Variants in OTUB1 observed in about 807,000 individuals in gnomAD.
OTUB1 encodes ubiquitin thioesterase OTUB1.
Under a neutral mutation model 35.8 loss-of-function variants are expected in OTUB1, and 10 were observed. The observed-to-expected ratio is 0.28, with a 90% CI of 0.17 to 0.47. OTUB1 has a LOEUF of 0.47. Among genes scored for constraint, OTUB1 ranks in the 20% least tolerant of loss-of-function variants. The pLI is 0.99. For missense variants in OTUB1, 264 were observed against 351.6 expected, an observed-to-expected ratio of 0.75 and a Z score of 1.99; for synonymous variants, 158 against 143.8, an observed-to-expected ratio of 1.10 and a Z score of -0.71.
At position 63,996,611 on chromosome 11, in the gene OTUB1, T is replaced by G. The variant is rs775884042; in HGVS notation, c.301T>G (p.Leu101Val). Residue 101 changes from leucine to valine, a missense_variant, in exon 4 of 7, where the codon TTG becomes GTG. Physicochemically the swap from Leu to Val is conservative, Grantham distance 32. Transcript: ENST00000538426. ...CTATCGGGCTTTCGGATTCTCCCAC[T>G]TGGAGGCACTGCTGGATGACAGCAA... ...CFYRAFGFSH[L>V]EALLDDSKEL... 1.2e-6 allele frequency: 2 copies of G among 1,614,088 alleles called. No homozygotes were observed. The highest frequency in any genetic ancestry group is 2.7e-5 in the African/African-American group (2 of 74,938).
At position 63,997,985 on chromosome 11, in the gene OTUB1, C is replaced by CAG. The variant is rs1442887778; in HGVS notation, c.*440_*441insGA. Reference sequence around the variant, plus strand: ...ACTTCATCTGCTCCCTCATAGGCCCCACCTCCACGTCCCGGCTGGGCCCCA... The same window carrying CAG: ...ACTTCATCTGCTCCCTCATAGGCCCCAGACCTCCACGTCCCGGCTGGGCCCCA... On this transcript the variant is annotated 3_prime_UTR_variant, in exon 7 of 7. Transcript: ENST00000538426. The CAG allele has an allele frequency of 3.5e-6, 2 of 567,552 alleles. No individual in the cohort carries two copies. Among genetic ancestry groups the CAG allele is most frequent in the Non-Finnish European group, 6.3e-6 (2 of 318,786 alleles). 35.2% of individuals were successfully genotyped at this position (567,552 alleles called of 1,614,324 possible). A position where few individuals can be genotyped will look rare whatever the true frequency, so the allele number is the denominator to read the frequency against.
chr11:63,989,017 A>C, intron 3 of OTUB1: 1 of 149,674 alleles, frequency 6.7e-6, no homozygotes, highest in Non-Finnish European at 1.3e-5. Flanking sequence ...TTCATCTCAG[A>C]AAAAAAAAAA....
chr11:63,995,499 T>A (rs534987459), intron 3 of OTUB1, among the ~76,000 whole-genome samples: 1 of 152,078 alleles, frequency 6.6e-6, no homozygotes, highest in South Asian at 2.1e-4. Context: ...CCCAGCCACT[T>A]ATTTTTTTTA....
chr11:63,988,974 A>C, intron 3 of OTUB1: 1 of 457,210 alleles, frequency 2.2e-6, no homozygotes, highest in Non-Finnish European at 3.9e-6. Context: ...AGATCACACC[A>C]TTGCACTCCA....
intron 3 of OTUB1, chr11:63,990,249 CA>C (rs1292678181): frequency 6.6e-6 from 1 of 152,056 alleles, no homozygotes. Context: ...CCTGCTGCAT[CA>C]CTCAAACGGA....
At chr11:63,996,979 G>A (rs1942725449) in intron 5 of OTUB1, 38 bp downstream of exon 5, 1 of 1,613,148 alleles carries the variant, frequency 6.2e-7, no homozygotes, top group African/African-American at 1.3e-5. Flanking sequence ...GGCCATGGGG[G>A]AGGGGTTCAC....
Position 63,986,496 on chromosome 11 carries a change from C to T in OTUB1, c.40C>T (p.Leu14=), listed in dbSNP as rs763940050. ...ACCTCAGCAGCAGAAGCAGGAGCCG[C>T]TGGGCAGCGACTCCGAAGGTACAGA... ...EEPQQQKQEP[L]GSDSEGVNCL... Residue 14 remains leucine (L), a synonymous_variant, in exon 1 of 7, where the codon CTG becomes TTG. Transcript: ENST00000538426. 6.4e-7 allele frequency: 1 copy of T among 1,552,716 alleles called. No individual in the cohort carries two copies. The highest frequency in any genetic ancestry group is 8.7e-7 in the Non-Finnish European group (1 of 1,148,572).
chr11:63,993,373 A>G (rs771506709), intron 3 of OTUB1, among the ~76,000 whole-genome samples: 10 of 152,068 alleles, frequency 6.6e-5, no homozygotes, highest in Non-Finnish European at 1.0e-4. Flanking sequence ...TAAATCCTTG[A>G]GACTTTGGCT....
At chr11:63,991,910 G>C (rs533928389) in intron 3 of OTUB1, among the ~76,000 whole-genome samples, 1 of 152,274 alleles carries the variant, frequency 6.6e-6, no homozygotes, top group African/African-American at 2.4e-5. Context: ...GGTGAGTGCT[G>C]TGGAGAAAAA....
At chr11:63,996,835 C>T (rs778614491) in intron 4 of OTUB1, 22 bp from the exon 5 acceptor site, 20 of 1,613,996 alleles carry the variant, frequency 1.2e-5, no homozygotes, top group African/African-American at 1.3e-5. Flanking sequence ...ATGCTGGGCC[C>T]GCCTTTCCAT....
intron 1 of OTUB1, among the ~76,000 whole-genome samples, chr11:63,987,193 A>G (rs1316425809): frequency 6.6e-6 from 1 of 152,198 alleles, no homozygotes; most frequent in East Asian, 1.9e-4. Context: ...GGTGGCAGGG[A>G]CAGTTCTTTT....
intron 3 of OTUB1, among the ~76,000 whole-genome samples, chr11:63,996,059 G>T (rs570207045): frequency 1.3e-5 from 2 of 152,296 alleles, no homozygotes; most frequent in East Asian, 3.9e-4. Context: ...AGGGCTGCGG[G>T]CAAGGCTTAG....
chr11:63,990,182 C>G (rs1942658572), intron 3 of OTUB1: 1 of 152,074 alleles, frequency 6.6e-6, no homozygotes, highest in African/African-American at 2.4e-5. Context: ...CCTCCTGGAT[C>G]TTTGTGGAGA....
chr11:63,995,251 C>T (rs372437098), intron 3 of OTUB1, among the ~76,000 whole-genome samples: 12 of 151,968 alleles, frequency 7.9e-5, no homozygotes, highest in Middle Eastern at 3.4e-3. Context: ...GGCTGGAGTG[C>T]GATGGCGCAA....
intron 3 of OTUB1, 56 bp downstream of exon 3, chr11:63,988,808 C>G (rs1349950846): frequency 2.6e-6 from 3 of 1,141,872 alleles, no homozygotes; most frequent in Non-Finnish European, 4.0e-6. Flanking sequence ...CAGGAGGGTG[C>G]CTGCTTCAGA....
chr11:63,986,506 ACTCCGAAGGTACAGAT>A lies in OTUB1; in HGVS notation c.52_58+9del. 6.4e-7 allele frequency: 1 copy of A among 1,550,888 alleles called. No homozygotes were observed. The highest frequency in any genetic ancestry group is 8.7e-7 in the Non-Finnish European group (1 of 1,147,610). On this transcript the variant is annotated splice_donor_variant and splice_donor_5th_base_variant and coding_sequence_variant and intron_variant, in exon 1 of 7. Transcript: ENST00000538426. LOFTEE classifies it high-confidence loss of function. The stretch of plus-strand genomic sequence containing the variant: ...CAGAAGCAGGAGCCGCTGGGCAGCG[ACTCCGAAGGTACAGAT>A]CCAAGGAGGGATGTCCGGCCCGGGC...
At chr11:63,989,133 GA>G (rs1006802519) in intron 3 of OTUB1, 4 of 164,646 alleles carry the variant, frequency 2.4e-5, no homozygotes, top group African/African-American at 9.9e-5. Flanking sequence ...CAGTCTGGCT[GA>G]TATGGTGAAA....
At chr11:63,986,805 T>G in intron 1 of OTUB1, 1 of 393,466 alleles carries the variant, frequency 2.5e-6, no homozygotes, top group Non-Finnish European at 4.5e-6. Flanking sequence ...ACCCCTCGGC[T>G]CCTGGCTCCA....
At position 63,997,085 on chromosome 11, in the gene OTUB1, C is replaced by T; in HGVS notation, c.459C>T (p.Thr153=). ...TGATTGAGCAGGTGGAGAAGCAGAC[C>T]TCTGTCGCCGACCTGCTGGCCTCCT... ...MDLIEQVEKQ[T]SVADLLASFN... Residue 153 remains threonine (T), a synonymous_variant, in exon 6 of 7, where the codon ACC becomes ACT. Transcript: ENST00000538426. The T allele has an allele frequency of 6.2e-7, 1 of 1,614,208 alleles. No individual in the cohort carries two copies. The highest frequency in any genetic ancestry group is 2.2e-5 in the East Asian group (1 of 44,886).
Sources: allele counts gnomAD v4.1 joint callset (sites outside exome capture counted in the v4.1 genomes callset), GRCh38; gene constraint gnomAD v4.1.1; transcripts MANE v1.5; gene names NCBI Gene and HGNC (gene_info 2026-07-23, HGNC 2026-07-21).